NFIB: variants seen among roughly 807,000 people sequenced by gnomAD.
NFIB encodes nuclear factor I B.
Under a neutral mutation model 61.5 loss-of-function variants are expected in NFIB, and 11 were observed. The ratio of observed to expected loss-of-function variants is 0.18; its 90% CI spans 0.11 to 0.30. The LOEUF (loss-of-function observed/expected upper bound fraction) is 0.30. NFIB is among the 10% of genes least tolerant of loss of function. The probability of loss-of-function intolerance (pLI) is 1.00; values close to 1 mark genes in which losing one functional copy is unlikely to be tolerated. For missense variants in NFIB, 471 were observed against 608.9 expected, an observed-to-expected ratio of 0.77 and a Z score of 2.38; for synonymous variants, 260 against 216.5, an observed-to-expected ratio of 1.20 and a Z score of -1.76.
chr9:14,530,088 C>G, the NFIB span, among the ~76,000 whole-genome samples: 1 of 152,102 alleles, frequency 6.6e-6, no homozygotes, highest in East Asian at 1.9e-4. Flanking sequence ...TTTTACTTTT[C>G]CCCAACAGAA....
chr9:14,282,764 A>G (rs1323440920), intron 2 of NFIB, among the ~76,000 whole-genome samples: 1 of 152,222 alleles, frequency 6.6e-6, no homozygotes, highest in Non-Finnish European at 1.5e-5. Context: ...GAGTTTCTGA[A>G]TTAGGCCGCA....
chr9:14,330,013 G>C (rs1015784850), intron 1 of NFIB, among the ~76,000 whole-genome samples: 7 of 151,994 alleles, frequency 4.6e-5, no homozygotes, highest in Non-Finnish European at 8.8e-5. Context: ...TGTAGTCTCA[G>C]CTACTCGGGA....
At chr9:14,095,956 T>C (rs1183050300) in intron 10 of NFIB, among the ~76,000 whole-genome samples, 1 of 152,182 alleles carries the variant, frequency 6.6e-6, no homozygotes, top group African/African-American at 2.4e-5. Context: ...GTTCTTCAAT[T>C]ACTTGACCTT....
At chr9:14,473,772 A>T in the NFIB span, among the ~76,000 whole-genome samples, 3 of 152,208 alleles carry the variant, frequency 2.0e-5, no homozygotes, top group African/African-American at 4.8e-5. Flanking sequence ...TTTTTAATTT[A>T]TTTAGGCCCG....
At chr9:14,279,306 A>G (rs576164187) in intron 2 of NFIB, among the ~76,000 whole-genome samples, 2 of 152,302 alleles carry the variant, frequency 1.3e-5, no homozygotes, top group East Asian at 3.9e-4. Context: ...ACTATGATGA[A>G]AAAAGTACAT....
intron 2 of NFIB, among the ~76,000 whole-genome samples, chr9:14,190,122 G>A (rs7034377): frequency 0.28 from 42,677 of 151,954 alleles, 6,275 homozygotes; most frequent in South Asian, 0.36. Context: ...TCATTAAAAT[G>A]TTTATGTTTA....
At chr9:14,354,668 T>C (rs1457167362) in intron 1 of NFIB, among the ~76,000 whole-genome samples, 3 of 152,186 alleles carry the variant, frequency 2.0e-5, no homozygotes, top group Non-Finnish European at 2.9e-5. Flanking sequence ...TGAGGGTTTT[T>C]CTCTCCTAAA....
intron 2 of NFIB, among the ~76,000 whole-genome samples, chr9:14,208,342 A>C (rs10810117): frequency 0.47 from 70,786 of 151,874 alleles, 18,566 homozygotes; most frequent in African/African-American, 0.71. Flanking sequence ...GTTAAATTGT[A>C]CTAAAAAAGA....
chr9:14,206,877 T>C (rs2049796423), intron 2 of NFIB, among the ~76,000 whole-genome samples: 1 of 152,140 alleles, frequency 6.6e-6, no homozygotes, highest in African/African-American at 2.4e-5. Context: ...GCAACGCATA[T>C]AAAATTGTCA....
the NFIB span, among the ~76,000 whole-genome samples, chr9:14,455,963 T>C: frequency 1.3e-5 from 2 of 152,200 alleles, no homozygotes; most frequent in Non-Finnish European, 2.9e-5. Flanking sequence ...AAAATTAGTG[T>C]CAAGAGGTAT....
At chr9:14,209,605 T>C (rs1159504548) in intron 2 of NFIB, among the ~76,000 whole-genome samples, 2 of 152,234 alleles carry the variant, frequency 1.3e-5, no homozygotes, top group African/African-American at 2.4e-5. Flanking sequence ...AGGCAGCCTG[T>C]ATGGAAACGT....
chr9:14,257,684 G>C (rs895253093), intron 2 of NFIB, among the ~76,000 whole-genome samples: 1 of 152,018 alleles, frequency 6.6e-6, no homozygotes, highest in Non-Finnish European at 1.5e-5. Context: ...TGAACCCGGG[G>C]GACAGAGGTT....
chr9:14,516,245 G>C, the NFIB span, among the ~76,000 whole-genome samples: 5 of 152,310 alleles, frequency 3.3e-5, no homozygotes, highest in East Asian at 9.6e-4. Flanking sequence ...GGTGGGGGTT[G>C]AATCTTTTTA....
the NFIB span, among the ~76,000 whole-genome samples, chr9:14,526,558 C>T: frequency 1.3e-5 from 2 of 152,178 alleles, no homozygotes; most frequent in Non-Finnish European, 2.9e-5. Flanking sequence ...CATTGAGACG[C>T]AACAGGGGAA....
chr9:14,413,058 G>A, the NFIB span, among the ~76,000 whole-genome samples: 1 of 152,050 alleles, frequency 6.6e-6, no homozygotes, highest in East Asian at 1.9e-4. Context: ...TATGCGGGAG[G>A]CTTTCAAAGA....
At chr9:14,149,610 C>T (rs553531813) in intron 5 of NFIB, among the ~76,000 whole-genome samples, 3 of 152,218 alleles carry the variant, frequency 2.0e-5, no homozygotes, top group African/African-American at 7.2e-5. Flanking sequence ...AACCAAATCT[C>T]AGGGAAGGTA....
chr9:14,165,807 A>G (rs2044722383), intron 3 of NFIB, among the ~76,000 whole-genome samples: 1 of 152,186 alleles, frequency 6.6e-6, no homozygotes, highest in African/African-American at 2.4e-5. Context: ...AGGGTAGTCA[A>G]ACTCATAGAA....
chr9:14,301,197 A>G (rs751540942), intron 2 of NFIB, among the ~76,000 whole-genome samples: 1 of 152,210 alleles, frequency 6.6e-6, no homozygotes, highest in Non-Finnish European at 1.5e-5. Context: ...CACAGGCACT[A>G]TAACTGTGCC....
At chr9:14,332,887 A>C (rs915826210) in intron 1 of NFIB, among the ~76,000 whole-genome samples, 2 of 152,210 alleles carry the variant, frequency 1.3e-5, no homozygotes, top group African/African-American at 4.8e-5. Context: ...TGAGCTTGCC[A>C]GTCTGTTCAA....
Sources: gnomAD v4.1 joint callset for allele counts (sites outside exome capture counted in the v4.1 genomes callset) on GRCh38, gnomAD v4.1.1 for gene constraint, MANE v1.5 for transcripts, NCBI Gene and HGNC (gene_info 2026-07-23, HGNC 2026-07-21) for gene names.